CCDC150: variants seen among roughly 807,000 people sequenced by gnomAD.
The protein encoded by CCDC150 is coiled-coil domain-containing protein 150.
In CCDC150, 151 loss-of-function variants were observed where a neutral mutation model predicts 156.5. That is an observed-to-expected ratio of 0.97 (90% confidence interval 0.85 to 1.10). The LOEUF (loss-of-function observed/expected upper bound fraction) is 1.10, where lower values mean the gene tolerates loss of function less well. Ranked by LOEUF, CCDC150 falls within the 50% of genes least tolerant of loss-of-function variation. The pLI, the probability that CCDC150 is intolerant of heterozygous loss-of-function variation, is 0.00. For synonymous variants in CCDC150, 452 were observed against 429.4 expected, an observed-to-expected ratio of 1.05 and a Z score of -0.65; for missense variants, 1,312 against 1,268.1, an observed-to-expected ratio of 1.03 and a Z score of -0.53.
At chr2:196,652,242 G>A (rs537678357) in intron 2 of CCDC150, among the ~76,000 whole-genome samples, 16 of 152,274 alleles carry the variant, frequency 1.1e-4, no homozygotes, top group African/African-American at 2.4e-4. Flanking sequence ...TTATTCCAGC[G>A]TTAATTCAGA....
intron 27 of CCDC150, 60 bp downstream of exon 27, chr2:196,732,212 A>G: frequency 6.3e-7 from 1 of 1,583,366 alleles, no homozygotes; most frequent in Non-Finnish European, 8.7e-7. Flanking sequence ...CAGATTTCTA[A>G]TTACCGAAGT....
At chr2:196,720,871 G>C (rs1697838941) in intron 20 of CCDC150, among the ~76,000 whole-genome samples, 2 of 152,000 alleles carry the variant, frequency 1.3e-5, no homozygotes, top group African/African-American at 4.8e-5. Context: ...CCACAATAAT[G>C]ACTAAACTCT....
At chr2:196,685,520 T>A (rs1447046184) in intron 13 of CCDC150, among the ~76,000 whole-genome samples, 1 of 152,164 alleles carries the variant, frequency 6.6e-6, no homozygotes, top group Non-Finnish European at 1.5e-5. Flanking sequence ...TATTTCCATT[T>A]TTATTTATCT....
At chr2:196,701,045 A>T in intron 14 of CCDC150, 64 bp from the exon 15 acceptor site, 1 of 1,063,838 alleles carries the variant, frequency 9.4e-7, no homozygotes, top group Non-Finnish European at 1.4e-6. Context: ...ATACTTGTTT[A>T]AAAATGAAAA....
chr2:196,700,963 A>G, intron 14 of CCDC150, 146 bp from the exon 15 acceptor site: 1 of 602,780 alleles, frequency 1.7e-6, no homozygotes, highest in Non-Finnish European at 2.9e-6. Context: ...CTATGTAGGA[A>G]AAGACTAAAA....
At chr2:196,723,998 C>G (rs2125711549) in intron 21 of CCDC150, among the ~76,000 whole-genome samples, 1 of 152,200 alleles carries the variant, frequency 6.6e-6, no homozygotes, top group East Asian at 1.9e-4. Flanking sequence ...CTCAATCGAA[C>G]TGGAGAAAAG....
chr2:196,712,867 A>G (rs1208499018), intron 17 of CCDC150, 128 bp downstream of exon 17: 2 of 685,578 alleles, frequency 2.9e-6, no homozygotes, highest in Non-Finnish European at 5.0e-6. Context: ...CATTTAGTGA[A>G]GAACATACCC....
chr2:196,710,923 G>T (rs1559264861), intron 15 of CCDC150, among the ~76,000 whole-genome samples: 2 of 151,870 alleles, frequency 1.3e-5, no homozygotes, highest in Non-Finnish European at 2.9e-5. Flanking sequence ...ATGTCTGAAA[G>T]ATTTCCAGCA....
In CCDC150 at chr2:196,675,992, T is replaced by C. The variant is rs1694475009; in HGVS notation, c.1138-151T>C. The C allele has an allele frequency of 6.2e-6, 4 of 648,824 alleles. No individual in the cohort carries two copies. The East Asian group carries it at 1.1e-4, about 19-fold the overall frequency. The allele number at this position is 648,824 out of a possible 1,614,324, so 40.2% of individuals were successfully genotyped here. ...AGGAGGACAAAGAGAAACTGGGCAT[T>C]GAAATAAATTGTTTTAAAAAGAGGT... is the stretch of plus-strand genomic sequence containing the variant. On this transcript the variant is annotated intron_variant, in intron 10 of 27. Coordinates refer to ENST00000389175, the MANE Select transcript of CCDC150 (RefSeq NM_001080539.2).
At chr2:196,690,930 A>T (rs1176127987) in intron 13 of CCDC150, among the ~76,000 whole-genome samples, 2 of 152,114 alleles carry the variant, frequency 1.3e-5, no homozygotes, top group South Asian at 4.1e-4. Context: ...GTTGAATTTT[A>T]TTGAAGGCCT....
rs773638660 is a variant in CCDC150 at position 196,676,695 on chromosome 2, GTC to G, written c.1408_1409del (p.Leu470AlafsTer12). On this transcript the variant is annotated frameshift_variant, in exon 12 of 28. Coordinates refer to ENST00000389175, the MANE Select transcript of CCDC150 (RefSeq NM_001080539.2). LOFTEE classifies it high-confidence loss of function. ...TGGAAGCATCAATGCAAGAGAAGAA[GTC>G]TCTGCTAGAGGAGAAAGAAAGATTT... ...ELEASMQEKK[S>X]LLEEKERFQR... 4.4e-5 allele frequency: 71 copies of G among 1,613,644 alleles called. No homozygotes were observed. The highest frequency in any genetic ancestry group is 5.7e-5 in the Non-Finnish European group (67 of 1,179,712).
intron 13 of CCDC150, among the ~76,000 whole-genome samples, chr2:196,677,835 C>T (rs990057283): frequency 6.6e-6 from 1 of 151,788 alleles, no homozygotes; most frequent in African/African-American, 2.4e-5. Flanking sequence ...TACTAAAATA[C>T]AAAAATTAGC....
chr2:196,699,584 A>G (rs1696064211), intron 14 of CCDC150, among the ~76,000 whole-genome samples: 1 of 151,568 alleles, frequency 6.6e-6, no homozygotes, highest in African/African-American at 2.4e-5. Flanking sequence ...CAATGGCACC[A>G]TCACGGCTCA....
intron 5 of CCDC150, among the ~76,000 whole-genome samples, chr2:196,659,997 C>T: frequency 6.6e-6 from 1 of 152,288 alleles, no homozygotes; most frequent in African/African-American, 2.4e-5. Flanking sequence ...ATGTCTTCCC[C>T]TGAGCCCCTG....
chr2:196,680,385 C>A (rs1009640335), intron 13 of CCDC150, among the ~76,000 whole-genome samples: 1 of 152,060 alleles, frequency 6.6e-6, no homozygotes, highest in Non-Finnish European at 1.5e-5. Context: ...CAGCCTCCAC[C>A]CCCCCAGGCT....
chr2:196,670,246 A>T (rs1559229176), intron 8 of CCDC150, among the ~76,000 whole-genome samples: 1 of 152,304 alleles, frequency 6.6e-6, no homozygotes, highest in South Asian at 2.1e-4. Context: ...GATTTGAATG[A>T]TAAATTTTGT....
rs1322790112 is a variant in CCDC150, at chr2:196,729,593, G to A, written c.2752-200G>A. The stretch of plus-strand genomic sequence containing the variant: ...TCATTTGCTGCCAGTGTCACATTCC[G>A]GCTCCCTATCTGTCCCTTCCGTGTT... On this transcript the variant is annotated intron_variant, in intron 23 of 27. Coordinates refer to ENST00000389175, the MANE Select transcript of CCDC150 (RefSeq NM_001080539.2). The A allele has an allele frequency of 8.5e-5, 56 of 658,102 alleles. 2 individuals are homozygous for A. Among genetic ancestry groups the A allele is most frequent in the South Asian group, 6.1e-4 (31 of 50,488 alleles). The allele number at this position is 658,102 out of a possible 1,614,324, so 40.8% of individuals were successfully genotyped here. A position where few individuals can be genotyped will look rare whatever the true frequency, so the allele number is the denominator to read the frequency against.
At chr2:196,712,914 A>G (rs772438373) in intron 17 of CCDC150, among the ~76,000 whole-genome samples, 175 bp downstream of exon 17, 12 of 152,224 alleles carry the variant, frequency 7.9e-5, no homozygotes, top group Non-Finnish European at 1.3e-4. Flanking sequence ...ACTCATTTCA[A>G]TTATTTACAA....
At chr2:196,712,970 T>C in intron 17 of CCDC150, 1 of 536,386 alleles carries the variant, frequency 1.9e-6, no homozygotes, top group Non-Finnish European at 3.3e-6. Context: ...CATTAACTCT[T>C]AATAAAAGCA....
Sources: allele counts gnomAD v4.1 joint callset (sites outside exome capture counted in the v4.1 genomes callset), GRCh38; gene constraint gnomAD v4.1.1; transcripts MANE v1.5; gene names NCBI Gene and HGNC (gene_info 2026-07-23, HGNC 2026-07-21).